TACR1: variants seen among roughly 807,000 people sequenced by gnomAD.
TACR1 encodes tachykinin receptor 1.
Under a neutral mutation model 35.8 loss-of-function variants are expected in TACR1, and 25 were observed. The observed-to-expected ratio is 0.70, with a 90% CI of 0.51 to 0.98. The LOEUF is 0.98. TACR1 is among the 50% of genes least tolerant of loss of function. TACR1 has a pLI of 0.00. For synonymous variants in TACR1, 195 were observed against 206.7 expected (o/e 0.94, Z 0.48); for missense variants, 478 against 522.9 (o/e 0.91, Z 0.84).
rs201792078 is a variant in TACR1 at position 75,098,912 on chromosome 2, C to CTT, written c.584+21660_584+21661dup. Among the ~76,000 whole-genome samples the CTT allele has an allele frequency of 6.0e-4, 87 of 144,778 alleles. 2 individuals carry two copies. Among genetic ancestry groups the CTT allele is most frequent in the East Asian group, 1.4e-3 (7 of 4,982 alleles). 95.0% of individuals were successfully genotyped at this position (144,778 alleles called of 152,430 possible). On this transcript the variant is annotated intron_variant, in intron 2 of 4. Transcript: ENST00000305249. The stretch of plus-strand genomic sequence containing the variant: ...TCTTTGTAGTTCTTGCAAATTAAGG[C>CTT]TTTTTTTTTTTTTCTTTTCTTGCTC...
At chr2:75,103,054 C>A (rs957241750) in intron 2 of TACR1, among the ~76,000 whole-genome samples, 2 of 152,030 alleles carry the variant, frequency 1.3e-5, no homozygotes, top group African/African-American at 4.8e-5. Context: ...TTGAGGACTC[C>A]CAAAGAACTT....
At chr2:75,082,464 G>A (rs202065187) in intron 2 of TACR1, among the ~76,000 whole-genome samples, 16,660 of 152,100 alleles carry the variant, frequency 0.11, 1,147 homozygotes, top group South Asian at 0.27. Context: ...TGGGTCAAAT[G>A]GTATTTCCAG....
chr2:75,153,201 A>G (rs745668268), intron 1 of TACR1, among the ~76,000 whole-genome samples: 1 of 152,222 alleles, frequency 6.6e-6, no homozygotes, highest in Non-Finnish European at 1.5e-5. Context: ...GCACCAGCCT[A>G]AGACTTCTTA....
chr2:75,162,605 G>C (rs982137199), intron 1 of TACR1, among the ~76,000 whole-genome samples: 2 of 152,218 alleles, frequency 1.3e-5, no homozygotes, highest in African/African-American at 2.4e-5. Flanking sequence ...TTTTATCTCA[G>C]ACATACTTAA....
chr2:75,183,699 C>T (rs968444635), intron 1 of TACR1, among the ~76,000 whole-genome samples: 16 of 152,274 alleles, frequency 1.1e-4, no homozygotes, highest in South Asian at 1.0e-3. Context: ...AAGGAGTACA[C>T]GGCTGGGTTT....
At chr2:75,157,742 T>C (rs1674898221) in intron 1 of TACR1, among the ~76,000 whole-genome samples, 1 of 152,170 alleles carries the variant, frequency 6.6e-6, no homozygotes, top group Non-Finnish European at 1.5e-5. Context: ...GAGATGTGGG[T>C]TTTAAGCAAT....
At chr2:75,162,009 G>C (rs1675020811) in intron 1 of TACR1, among the ~76,000 whole-genome samples, 1 of 112,570 alleles carries the variant, frequency 8.9e-6, no homozygotes, top group East Asian at 2.9e-4. Context: ...TGAAGGAGGA[G>C]ACCAATTGAG....
chr2:75,162,340 C>A (rs1675030250), intron 1 of TACR1, among the ~76,000 whole-genome samples: 1 of 152,154 alleles, frequency 6.6e-6, no homozygotes, highest in Non-Finnish European at 1.5e-5. Flanking sequence ...AGCAAAATGG[C>A]AGAATCTTTA....
At chr2:75,086,050 A>C (rs191381516) in intron 2 of TACR1, among the ~76,000 whole-genome samples, 1 of 152,358 alleles carries the variant, frequency 6.6e-6, no homozygotes, top group African/African-American at 2.4e-5. Context: ...AGAGCTCTTC[A>C]GTTAAACCCA....
intron 2 of TACR1, among the ~76,000 whole-genome samples, chr2:75,069,349 T>C (rs990621683): frequency 6.6e-6 from 1 of 151,444 alleles, no homozygotes; most frequent in African/African-American, 2.4e-5. Context: ...TATTTATTTA[T>C]TAATATAGTG....
chr2:75,168,644 A>G (rs567451256), intron 1 of TACR1, among the ~76,000 whole-genome samples: 34 of 152,264 alleles, frequency 2.2e-4, no homozygotes, highest in African/African-American at 7.9e-4. Flanking sequence ...CTTCTCCCCA[A>G]CTGTAAGACA....
chr2:75,123,684 C>T (rs1165284523), intron 1 of TACR1, among the ~76,000 whole-genome samples: 9 of 151,832 alleles, frequency 5.9e-5, no homozygotes, highest in African/African-American at 2.2e-4. Context: ...TATAAATCTC[C>T]CTCCCTCCTT....
At chr2:75,095,682 G>T (rs76240229) in intron 2 of TACR1, among the ~76,000 whole-genome samples, 1 of 152,134 alleles carries the variant, frequency 6.6e-6, no homozygotes, top group Non-Finnish European at 1.5e-5. Flanking sequence ...ATTAGCGCTC[G>T]CCTAATATCC....
intron 1 of TACR1, among the ~76,000 whole-genome samples, chr2:75,131,708 A>T (rs1194887310): frequency 1.3e-5 from 2 of 152,238 alleles, no homozygotes; most frequent in African/African-American, 4.8e-5. Flanking sequence ...GGTATACAGT[A>T]ACGGAACTAA....
Position 75,113,792 on chromosome 2 carries a change from C to T in TACR1, c.584+6782G>A, listed in dbSNP as rs550988308. ...AATCCTGGAAACACAAATATGTTGA[C>T]ACCCCTTTGGCCAAGGCCTAGAGCA... On this transcript the variant is annotated intron_variant, in intron 2 of 4. Coordinates refer to ENST00000305249, the MANE Select transcript of TACR1 (RefSeq NM_001058.4). Among the ~76,000 whole-genome samples the T allele has an allele frequency of 4.2e-4, 64 of 152,078 alleles. 1 individual carries two copies. The South Asian group carries it at 0.013, about 31-fold the overall frequency.
intron 1 of TACR1, among the ~76,000 whole-genome samples, chr2:75,129,775 C>T (rs946877203): frequency 6.6e-6 from 1 of 152,212 alleles, no homozygotes; most frequent in Admixed American, 6.5e-5. Flanking sequence ...GATTCTCTAG[C>T]CTCCTCTTTC....
In TACR1 at chr2:75,094,859, A is replaced by ATATATATAT; in HGVS notation, c.584+25714_584+25715insATATATATA. ...GAAACATATATATATATATATATATATTTTTTTTTTTTTTGCCCAAGATGG... is the reference window on the plus strand; with the variant it reads ...GAAACATATATATATATATATATATATATATATATTTTTTTTTTTTTTTGCCCAAGATGG... On this transcript the variant is annotated intron_variant, in intron 2 of 4. Coordinates refer to ENST00000305249, the MANE Select transcript of TACR1 (RefSeq NM_001058.4). 8.8e-4 allele frequency among the ~76,000 whole-genome samples: 100 copies of ATATATATAT among 113,098 alleles called. 2 individuals carry two copies. The highest frequency in any genetic ancestry group is 2.7e-3 in the African/African-American group (56 of 20,850). The allele number at this position is 113,098 out of a possible 152,430, so 74.2% of individuals were successfully genotyped here.
intron 1 of TACR1, among the ~76,000 whole-genome samples, chr2:75,159,703 A>G (rs565461448): frequency 7.2e-5 from 11 of 152,258 alleles, no homozygotes; most frequent in African/African-American, 2.6e-4. Flanking sequence ...TTTCCCTAAT[A>G]TTAGTTACTG....
intron 2 of TACR1, among the ~76,000 whole-genome samples, chr2:75,075,980 G>C (rs1459099620): frequency 6.6e-6 from 1 of 152,188 alleles, no homozygotes; most frequent in Non-Finnish European, 1.5e-5. Flanking sequence ...AATCCCAACA[G>C]AATTAATAGA....
Sources: allele counts gnomAD v4.1 joint callset (sites outside exome capture counted in the v4.1 genomes callset), GRCh38; gene constraint gnomAD v4.1.1; transcripts MANE v1.5; gene names NCBI Gene and HGNC (gene_info 2026-07-23, HGNC 2026-07-21).